The following LMX1A variants were observed in gnomAD, a reference collection of about 807,000 sequenced individuals.
LMX1A encodes LIM homeobox transcription factor 1 alpha.
A neutral mutation model predicts 49.1 loss-of-function variants in LMX1A; 15 were observed. The observed-to-expected ratio is 0.31, with a 90% confidence interval of 0.20 to 0.47. LMX1A has a LOEUF of 0.47. Among genes scored for constraint, LMX1A ranks in the 20% least tolerant of loss-of-function variants. The probability of loss-of-function intolerance (pLI) is 1.00; values close to 1 mark genes in which losing one functional copy is unlikely to be tolerated. For synonymous variants in LMX1A, 167 were observed against 185.7 expected (o/e 0.90, Z 0.82); for missense variants, 372 against 475.8 (o/e 0.78, Z 2.03).
intron 3 of LMX1A, among the ~76,000 whole-genome samples, chr1:165,291,665 T>C (rs990408938): frequency 6.6e-6 from 1 of 152,246 alleles, no homozygotes; most frequent in Non-Finnish European, 1.5e-5. Flanking sequence ...ATCATTTCCA[T>C]TTTATAGATG....
intron 3 of LMX1A, among the ~76,000 whole-genome samples, chr1:165,333,114 C>T (rs989140897): frequency 6.6e-6 from 1 of 152,152 alleles, no homozygotes; most frequent in African/African-American, 2.4e-5. Context: ...TTCCTAGATT[C>T]ACTAGGCCTT....
At position 165,266,751 on chromosome 1, in the gene LMX1A, G is replaced by A. The variant is rs555670314; in HGVS notation, c.264-17111C>T. 3.2e-3 allele frequency among the ~76,000 whole-genome samples: 481 copies of A among 151,764 alleles called. 4 individuals are homozygous for A. Among genetic ancestry groups the A allele is most frequent in the African/African-American group, 0.011 (448 of 41,406 alleles). ...TGAGTAGCTGGGACTACAGGTACCC[G>A]CCACCACGCCCAGCTAATTTTTTGT... is the stretch of plus-strand genomic sequence containing the variant. On this transcript the variant is annotated intron_variant, in intron 3 of 8. Transcript: ENST00000342310.
chr1:165,258,298 G>A (rs1348868976), intron 3 of LMX1A, among the ~76,000 whole-genome samples: 2 of 152,286 alleles, frequency 1.3e-5, no homozygotes, highest in South Asian at 2.1e-4. Flanking sequence ...CAAAAGTATT[G>A]GGAACCAAAA....
At chr1:165,283,537 C>T (rs773759544) in intron 3 of LMX1A, among the ~76,000 whole-genome samples, 4 of 152,180 alleles carry the variant, frequency 2.6e-5, no homozygotes, top group Admixed American at 6.5e-5. Context: ...TCATCTCCCA[C>T]GTGAATGGCT....
intron 6 of LMX1A, 137 bp downstream of exon 6, chr1:165,210,562 A>ATTATT: frequency 2.0e-6 from 1 of 494,404 alleles, no homozygotes; most frequent in South Asian, 5.4e-5. Flanking sequence ...ATTATTGATA[A>ATTATT]CAGAATTTTT....
chr1:165,316,834 A>C (rs1655243186), intron 3 of LMX1A, among the ~76,000 whole-genome samples: 1 of 152,062 alleles, frequency 6.6e-6, no homozygotes, highest in Non-Finnish European at 1.5e-5. Context: ...ACACCTCCCC[A>C]TCCGGATCCC....
At chr1:165,299,088 T>C (rs1314545902) in intron 3 of LMX1A, among the ~76,000 whole-genome samples, 1 of 152,214 alleles carries the variant, frequency 6.6e-6, no homozygotes, top group Non-Finnish European at 1.5e-5. Flanking sequence ...TTCAGACCCA[T>C]GACTTTAACA....
Position 165,202,606 on chromosome 1 carries a change from A to G in LMX1A, c.*1274T>C, listed in dbSNP as rs1650894972. ...TGACCTCAAAAAAAAAGTAAAAACCATTCTTTGCTGGCAAGCCATAGAAAG... is the reference window on the plus strand; with the variant it reads ...TGACCTCAAAAAAAAAGTAAAAACCGTTCTTTGCTGGCAAGCCATAGAAAG... On this transcript the variant is annotated 3_prime_UTR_variant, in exon 9 of 9. Coordinates refer to ENST00000342310, the MANE Select transcript of LMX1A (RefSeq NM_177398.4). The G allele has an allele frequency of 6.6e-6, 1 of 151,950 alleles. No individual in the cohort carries two copies. Among genetic ancestry groups the G allele is most frequent in the Non-Finnish European group, 1.5e-5 (1 of 67,958 alleles). The allele number at this position is 151,950 out of a possible 1,614,324, so 9.4% of individuals were successfully genotyped here.
intron 2 of LMX1A, among the ~76,000 whole-genome samples, chr1:165,354,616 T>G (rs1656544359): frequency 1.3e-5 from 2 of 152,124 alleles, no homozygotes; most frequent in African/African-American, 2.4e-5. Flanking sequence ...CCTCACTGGA[T>G]TTGGTTTCTC....
chr1:165,355,162 G>C lies in LMX1A; in HGVS notation c.76+322C>G, dbSNP rs1656564748. ...GAGAAGAGGGCGGCATTTATGAGAC[G>C]TCGATCAGCTCCGAGATTAAAAATC... On this transcript the variant is annotated intron_variant, in intron 2 of 8. Coordinates refer to ENST00000342310, the MANE Select transcript of LMX1A (RefSeq NM_177398.4). This position sits in a 1 kb window ranked among gnomAD's most constrained non-coding sequence, Gnocchi z 4.7. 6.6e-6 allele frequency among the ~76,000 whole-genome samples: 1 copy of C among 152,174 alleles called. No homozygotes were observed. The highest frequency in any genetic ancestry group is 1.5e-5 in the Non-Finnish European group (1 of 68,048).
intron 3 of LMX1A, among the ~76,000 whole-genome samples, chr1:165,284,882 G>A (rs1654260755): frequency 6.6e-6 from 1 of 152,198 alleles, no homozygotes; most frequent in Admixed American, 6.5e-5. Context: ...TGACCAGCCT[G>A]CAATAGCCGC....
At chr1:165,242,445 T>A (rs142755200) in intron 4 of LMX1A, among the ~76,000 whole-genome samples, 78 of 143,348 alleles carry the variant, frequency 5.4e-4, no homozygotes, top group African/African-American at 1.9e-3. Context: ...GAAGAAAAAA[T>A]TTTAAATGAT....
At chr1:165,208,883 G>C (rs982211340) in intron 6 of LMX1A, among the ~76,000 whole-genome samples, 1 of 152,116 alleles carries the variant, frequency 6.6e-6, no homozygotes, top group Non-Finnish European at 1.5e-5. Context: ...TCCTGATCTC[G>C]TGATCCACCC....
At chr1:165,277,323 C>T (rs1350838426) in intron 3 of LMX1A, among the ~76,000 whole-genome samples, 1 of 152,178 alleles carries the variant, frequency 6.6e-6, no homozygotes, top group Non-Finnish European at 1.5e-5. Flanking sequence ...ATCGGCCCAC[C>T]TCCCCACTCT....
At chr1:165,254,413 G>GA (rs939916668) in intron 3 of LMX1A, among the ~76,000 whole-genome samples, 34 of 151,974 alleles carry the variant, frequency 2.2e-4, no homozygotes, top group African/African-American at 7.5e-4. Context: ...GGGCAGTCCT[G>GA]TTTTTTTCTT....
At chr1:165,290,833 C>T (rs1654448210) in intron 3 of LMX1A, among the ~76,000 whole-genome samples, 1 of 152,200 alleles carries the variant, frequency 6.6e-6, no homozygotes, top group Admixed American at 6.5e-5. Context: ...CCCCACCCAC[C>T]TTCTGAGTCA....
intron 4 of LMX1A, among the ~76,000 whole-genome samples, chr1:165,229,516 T>C (rs1201122290): frequency 6.6e-6 from 1 of 152,232 alleles, no homozygotes; most frequent in Non-Finnish European, 1.5e-5. Context: ...AACCTACTTC[T>C]ACCAGTTACT....
chr1:165,345,666 G>A (rs535293115), intron 3 of LMX1A, among the ~76,000 whole-genome samples: 5 of 152,272 alleles, frequency 3.3e-5, no homozygotes, highest in African/African-American at 1.2e-4. Flanking sequence ...TGAGAGTTAC[G>A]CTACTCACCG....
At chr1:165,243,754 C>T (rs1652746985) in intron 4 of LMX1A, among the ~76,000 whole-genome samples, 1 of 152,210 alleles carries the variant, frequency 6.6e-6, no homozygotes, top group Admixed American at 6.5e-5. Flanking sequence ...TTCAATGTAA[C>T]AGTTCTGACA....
Sources: allele counts gnomAD v4.1 joint callset (sites outside exome capture counted in the v4.1 genomes callset), GRCh38; gene constraint gnomAD v4.1.1; non-coding constraint Gnocchi (gnomAD v3.1); transcripts MANE v1.5; gene names NCBI Gene and HGNC (gene_info 2026-07-23, HGNC 2026-07-21).